MOB4: variants seen among roughly 807,000 people sequenced by gnomAD.
The protein encoded by MOB4 is MOB family member 4, phocein.
In MOB4, 4 loss-of-function variants were observed where a neutral mutation model predicts 32.2. The observed-to-expected ratio is 0.12, with a 90% CI of 0.06 to 0.28. The LOEUF (loss-of-function observed/expected upper bound fraction) is 0.28, where lower values mean the gene tolerates loss of function less well. MOB4 is among the 10% of genes least tolerant of loss of function. The probability of loss-of-function intolerance (pLI) is 1.00; values close to 1 mark genes in which losing one functional copy is unlikely to be tolerated. For missense variants in MOB4, 158 were observed against 271.2 expected (o/e 0.58, Z 2.93); for synonymous variants, 88 against 88.1 (o/e 1.00, Z 0.01).
At chr2:197,542,541 T>C (rs2086913750) in intron 5 of MOB4, among the ~76,000 whole-genome samples, 1 of 152,194 alleles carries the variant, frequency 6.6e-6, no homozygotes, top group South Asian at 2.1e-4. Context: ...GCACCAATAA[T>C]CATTTATTCA....
chr2:197,525,862 G>A (rs912439699), intron 2 of MOB4, among the ~76,000 whole-genome samples: 4 of 152,148 alleles, frequency 2.6e-5, no homozygotes, highest in African/African-American at 9.7e-5. Flanking sequence ...AAATTTTGAA[G>A]AAAAATGTAC....
chr2:197,535,755 G>A, intron 3 of MOB4, 125 bp downstream of exon 3: 4 of 1,079,348 alleles, frequency 3.7e-6, no homozygotes, highest in Non-Finnish European at 5.3e-6. Flanking sequence ...TAAAGCTTTG[G>A]CATTTTCAGT....
chr2:197,515,967 A>G (rs2086401590), upstream of MOB4: 3 of 1,048,414 alleles, frequency 2.9e-6, no homozygotes, highest in South Asian at 3.0e-5. Context: ...CGCAGGCTGC[A>G]GCTGTTCCGT....
rs531485610 is a variant in MOB4 at position 197,539,664 on chromosome 2, A to G, written c.225-447A>G. Among the ~76,000 whole-genome samples, 13 of 152,206 alleles carry G rather than the reference A, an allele frequency of 8.5e-5. No individual in the cohort carries two copies. In the South Asian group the frequency reaches 2.5e-3, roughly 29 times the overall value. ...ATGTACCAACATTTTATTACCCTCC[A>G]GTTGCTGAATTTTTCTACAATTCAG... On this transcript the variant is annotated intron_variant, in intron 3 of 7. Transcript: ENST00000323303.
chr2:197,516,586 C>T (rs773083583), intron 1 of MOB4: 2 of 481,162 alleles, frequency 4.2e-6, no homozygotes, highest in East Asian at 6.8e-5. Flanking sequence ...CGTCCAGTTC[C>T]TACCTGGCCT....
chr2:197,516,630 T>C (rs2086418227), intron 1 of MOB4: 1 of 472,404 alleles, frequency 2.1e-6, no homozygotes, highest in Non-Finnish European at 4.4e-6. Flanking sequence ...CCATCCAGCT[T>C]GTCTAGCCGG....
intron 5 of MOB4, among the ~76,000 whole-genome samples, chr2:197,544,026 C>T (rs1228942781): frequency 6.6e-6 from 1 of 151,306 alleles, no homozygotes; most frequent in Non-Finnish European, 1.5e-5. Context: ...AGATGTGAGC[C>T]ACTGCGCCCA....
chr2:197,524,497 C>T (rs1431464816), intron 2 of MOB4, among the ~76,000 whole-genome samples: 2 of 145,552 alleles, frequency 1.4e-5, no homozygotes, highest in Non-Finnish European at 3.0e-5. Context: ...CATGCCACTG[C>T]ACTCCAGCCT....
intron 2 of MOB4, among the ~76,000 whole-genome samples, chr2:197,524,053 G>A (rs750237572): frequency 1.3e-5 from 2 of 152,224 alleles, no homozygotes; most frequent in Non-Finnish European, 2.9e-5. Flanking sequence ...CAGCCTGAGC[G>A]ACATAACAAG....
At chr2:197,547,158 CTTG>C (rs1215360759) in intron 5 of MOB4, among the ~76,000 whole-genome samples, 3 of 150,986 alleles carry the variant, frequency 2.0e-5, no homozygotes, top group Non-Finnish European at 2.9e-5. Context: ...AAAGGTCTTC[CTTG>C]TTGTGTTCAT....
At position 197,522,323 on chromosome 2, in the gene MOB4, C is replaced by CTTTTTTT. The variant is rs57163165; in HGVS notation, c.61-1282_61-1276dup. ...TTTTTTTGTACCCATGGGTGATTAC[C>CTTTTTTT]TTTTTTTTTTTTTTTTTTTTTTTTT... On this transcript the variant is annotated intron_variant, in intron 1 of 7. Coordinates refer to ENST00000323303, the MANE Select transcript of MOB4 (RefSeq NM_015387.5). Among the ~76,000 whole-genome samples, 110 of 66,498 alleles carry CTTTTTTT rather than the reference C, an allele frequency of 1.7e-3. 2 individuals are homozygous for CTTTTTTT. The highest frequency in any genetic ancestry group is 2.3e-3 in the African/African-American group (30 of 12,884). 43.6% of individuals were successfully genotyped at this position (66,498 alleles called of 152,430 possible).
At chr2:197,527,067 A>T (rs1273396393) in intron 2 of MOB4, among the ~76,000 whole-genome samples, 1 of 152,098 alleles carries the variant, frequency 6.6e-6, no homozygotes, top group Non-Finnish European at 1.5e-5. Flanking sequence ...ATGAGCCACC[A>T]TGCTCTGACC....
intron 2 of MOB4, among the ~76,000 whole-genome samples, chr2:197,530,675 G>A (rs1469193559): frequency 6.6e-6 from 1 of 151,920 alleles, no homozygotes; most frequent in Non-Finnish European, 1.5e-5. Context: ...ATTCCAGGCT[G>A]GTGTACAGTG....
chr2:197,521,132 G>A (rs2086510360), intron 1 of MOB4, among the ~76,000 whole-genome samples: 1 of 152,116 alleles, frequency 6.6e-6, no homozygotes, highest in South Asian at 2.1e-4. Context: ...TGCCCCGATA[G>A]TCACGTAGGT....
At chr2:197,533,745 AAG>A in intron 2 of MOB4, 3 of 347,424 alleles carry the variant, frequency 8.6e-6, no homozygotes, top group Admixed American at 3.8e-5. Context: ...AAAAAAAAAA[AAG>A]TATTTGATCC....
intron 1 of MOB4, among the ~76,000 whole-genome samples, chr2:197,518,140 TCAAA>T (rs986203178): frequency 1.4e-4 from 22 of 152,024 alleles, no homozygotes; most frequent in Admixed American, 2.6e-4. Context: ...AAACTCGGTC[TCAAA>T]CAAACAAACA....
At chr2:197,535,879 C>T (rs1282443638) in intron 3 of MOB4, among the ~76,000 whole-genome samples, 6 of 151,236 alleles carry the variant, frequency 4.0e-5, no homozygotes, top group African/African-American at 1.5e-4. Context: ...CCTGCCTCTG[C>T]ACCTCTCTTC....
chr2:197,544,204 T>C (rs974596642), intron 5 of MOB4, among the ~76,000 whole-genome samples: 3 of 152,172 alleles, frequency 2.0e-5, no homozygotes, highest in Non-Finnish European at 4.4e-5. Context: ...TCTGAGTAGC[T>C]GGGACAACAG....
chr2:197,529,445 G>C (rs1484349208), intron 2 of MOB4, among the ~76,000 whole-genome samples: 3 of 151,846 alleles, frequency 2.0e-5, no homozygotes, highest in Non-Finnish European at 4.4e-5. Flanking sequence ...TCCACCTCCT[G>C]GGTTCAATCG....
Sources: allele counts gnomAD v4.1 joint callset (sites outside exome capture counted in the v4.1 genomes callset), GRCh38; gene constraint gnomAD v4.1.1; transcripts MANE v1.5; gene names NCBI Gene and HGNC (gene_info 2026-07-23, HGNC 2026-07-21).